Variants in CAP2 observed in about 807,000 individuals in gnomAD.
CAP2 encodes the protein adenylyl cyclase-associated protein 2.
Under a neutral mutation model 57.7 loss-of-function variants are expected in CAP2, and 24 were observed. The ratio of observed to expected loss-of-function variants is 0.42; its 90% CI spans 0.30 to 0.58. The LOEUF (loss-of-function observed/expected upper bound fraction) is 0.58. Among genes scored for constraint, CAP2 ranks in the 20% least tolerant of loss-of-function variants. The probability of loss-of-function intolerance (pLI) is 0.22; values close to 1 mark genes in which losing one functional copy is unlikely to be tolerated. For missense variants in CAP2, 501 were observed against 590.3 expected (o/e 0.85, Z 1.57); for synonymous variants, 194 against 207.2 (o/e 0.94, Z 0.55).
chr6:17,447,699 T>C (rs550525417), intron 3 of CAP2, among the ~76,000 whole-genome samples: 6 of 152,208 alleles, frequency 3.9e-5, no homozygotes, highest in Non-Finnish European at 8.8e-5. Context: ...GGTTTCACCA[T>C]GTTGGCCAGG....
chr6:17,479,179 ATG>A (rs1242719031), intron 4 of CAP2, among the ~76,000 whole-genome samples: 2 of 152,060 alleles, frequency 1.3e-5, no homozygotes, highest in Admixed American at 1.3e-4. Flanking sequence ...AGGAGCTCAA[ATG>A]CAGTGCGTCT....
At chr6:17,396,638 C>A (rs191626803) in intron 1 of CAP2, among the ~76,000 whole-genome samples, 1 of 152,092 alleles carries the variant, frequency 6.6e-6, no homozygotes, top group Non-Finnish European at 1.5e-5. Flanking sequence ...TTGCTTAGGG[C>A]TGAAGGGGCT....
chr6:17,556,655 T>C lies in CAP2; in HGVS notation c.*213T>C, dbSNP rs1484125992. 9.3e-6 allele frequency: 5 copies of C among 537,726 alleles called. No homozygotes were observed. Among genetic ancestry groups the C allele is most frequent in the Non-Finnish European group, 6.6e-6 (2 of 301,030 alleles). 33.3% of individuals were successfully genotyped at this position (537,726 alleles called of 1,614,324 possible). ...CATGATTTGCCTTTGTGTGTGATTT[T>C]AGTTCCACATGATGACTTGTGAACA... On this transcript the variant is annotated 3_prime_UTR_variant, in exon 13 of 13. Coordinates refer to ENST00000229922, the MANE Select transcript of CAP2 (RefSeq NM_006366.3).
intron 4 of CAP2, among the ~76,000 whole-genome samples, chr6:17,480,149 A>G (rs1287363172): frequency 6.6e-6 from 1 of 152,158 alleles, no homozygotes; most frequent in Non-Finnish European, 1.5e-5. Flanking sequence ...GAATGCTGCC[A>G]TAATCCGTTG....
chr6:17,467,732 T>G (rs1379475283), intron 4 of CAP2, among the ~76,000 whole-genome samples: 1 of 152,092 alleles, frequency 6.6e-6, no homozygotes, highest in African/African-American at 2.4e-5. Context: ...ACTATGTTGG[T>G]CAGGCTGGTC....
intron 4 of CAP2, among the ~76,000 whole-genome samples, chr6:17,485,403 C>T (rs1272827020): frequency 6.6e-6 from 1 of 152,180 alleles, no homozygotes; most frequent in Non-Finnish European, 1.5e-5. Context: ...GCCTGGGGCA[C>T]CAGCCTCTGG....
chr6:17,519,927 T>C (rs1762352403), intron 7 of CAP2, among the ~76,000 whole-genome samples: 1 of 152,216 alleles, frequency 6.6e-6, no homozygotes, highest in Non-Finnish European at 1.5e-5. Flanking sequence ...TTTATTAACT[T>C]TCGGTTGTTA....
At chr6:17,422,726 G>C (rs1413464696) in intron 2 of CAP2, among the ~76,000 whole-genome samples, 5 of 152,164 alleles carry the variant, frequency 3.3e-5, no homozygotes, top group African/African-American at 9.6e-5. Flanking sequence ...AAAATAAAAA[G>C]TTGGCTACTT....
chr6:17,460,160 T>G (rs1027638980), intron 3 of CAP2, among the ~76,000 whole-genome samples: 2 of 152,326 alleles, frequency 1.3e-5, no homozygotes, highest in Non-Finnish European at 2.9e-5. Flanking sequence ...TTGCCACATC[T>G]GGGGCCACGC....
intron 4 of CAP2, among the ~76,000 whole-genome samples, chr6:17,499,754 G>A (rs1385248395): frequency 1.3e-5 from 2 of 151,960 alleles, no homozygotes; most frequent in African/African-American, 4.8e-5. Flanking sequence ...GGGAGGGTGA[G>A]GCTGGAGGAT....
intron 11 of CAP2, 75 bp from the exon 12 acceptor site, chr6:17,551,389 T>C: frequency 1.6e-6 from 2 of 1,216,116 alleles, no homozygotes; most frequent in Non-Finnish European, 2.3e-6. Flanking sequence ...CAAGAGGAAT[T>C]GAGATTGTAT....
intron 3 of CAP2, among the ~76,000 whole-genome samples, chr6:17,440,144 C>T (rs2113561522): frequency 6.6e-6 from 1 of 151,730 alleles, no homozygotes; most frequent in East Asian, 1.9e-4. Context: ...GTCTTCCTCT[C>T]CAAAATCAGG....
At chr6:17,404,365 G>A (rs1758894413) in intron 1 of CAP2, among the ~76,000 whole-genome samples, 1 of 152,164 alleles carries the variant, frequency 6.6e-6, no homozygotes, top group Non-Finnish European at 1.5e-5. Flanking sequence ...CAGCACTTTG[G>A]GAGGCCAAGG....
intron 6 of CAP2, among the ~76,000 whole-genome samples, chr6:17,511,439 G>A (rs533599627): frequency 5.3e-4 from 81 of 152,052 alleles, no homozygotes; most frequent in African/African-American, 1.9e-3. Context: ...CTGCTCATTG[G>A]CTGTTTTTCT....
intron 11 of CAP2, among the ~76,000 whole-genome samples, chr6:17,547,605 G>T (rs770559825): frequency 6.6e-6 from 1 of 152,154 alleles, no homozygotes; most frequent in East Asian, 1.9e-4. Context: ...ATTTTGGGAG[G>T]CCAAGGTGGG....
intron 7 of CAP2, chr6:17,531,036 T>C: frequency 1.1e-6 from 1 of 874,990 alleles, no homozygotes; most frequent in Non-Finnish European, 1.9e-6. Context: ...ATTTGCTTCT[T>C]TGAAGTGTTT....
chr6:17,464,698 T>A (rs1404472679), intron 4 of CAP2, among the ~76,000 whole-genome samples: 1 of 152,186 alleles, frequency 6.6e-6, no homozygotes, highest in African/African-American at 2.4e-5. Flanking sequence ...TGAAAGGAGT[T>A]AGCTCACAGC....
intron 4 of CAP2, among the ~76,000 whole-genome samples, chr6:17,483,091 G>A (rs898828837): frequency 9.2e-5 from 14 of 152,172 alleles, no homozygotes; most frequent in African/African-American, 2.7e-4. Context: ...AGAGTTCCAG[G>A]CCCATTTGCC....
chr6:17,501,732 C>G (rs1761827132), intron 4 of CAP2, among the ~76,000 whole-genome samples: 1 of 152,160 alleles, frequency 6.6e-6, no homozygotes, highest in African/African-American at 2.4e-5. Flanking sequence ...CTTTGGGAGC[C>G]AAACAGAGAT....
Sources: gnomAD v4.1 joint callset for allele counts (sites outside exome capture counted in the v4.1 genomes callset) on GRCh38, gnomAD v4.1.1 for gene constraint, MANE v1.5 for transcripts, NCBI Gene and HGNC (gene_info 2026-07-23, HGNC 2026-07-21) for gene names.